Variants in SMAD3 observed in about 807,000 individuals in gnomAD.
SMAD3 encodes SMAD family member 3.
SMAD3 carries 12 observed loss-of-function variants against 51.8 expected under a neutral mutation model. The ratio of observed to expected loss-of-function variants is 0.23; its 90% CI spans 0.15 to 0.38. SMAD3 has a LOEUF of 0.38. SMAD3 is among the 10% of genes least tolerant of loss of function. The pLI is 1.00. For missense variants in SMAD3, 294 were observed against 565.6 expected (o/e 0.52, Z 4.87); for synonymous variants, 238 against 227.7 (o/e 1.05, Z -0.41).
At chr15:67,103,719 C>T (rs1205676479) in intron 1 of SMAD3, among the ~76,000 whole-genome samples, 1 of 152,162 alleles carries the variant, frequency 6.6e-6, no homozygotes, top group African/African-American at 2.4e-5. Context: ...AAGCACATAG[C>T]ACAACAAGGA....
chr15:67,108,476 A>G (rs1960931116), intron 1 of SMAD3, among the ~76,000 whole-genome samples: 1 of 152,060 alleles, frequency 6.6e-6, no homozygotes, highest in Admixed American at 6.5e-5. Flanking sequence ...ACGTAGTCCC[A>G]TCTTGATCTC....
At chr15:67,139,360 G>C (rs564811582) in intron 1 of SMAD3, among the ~76,000 whole-genome samples, 33 of 152,078 alleles carry the variant, frequency 2.2e-4, no homozygotes, top group Non-Finnish European at 3.4e-4. Context: ...TTTCCCCACT[G>C]TGTCTGCTCT....
chr15:67,180,863 C>T (rs976604509), intron 5 of SMAD3, among the ~76,000 whole-genome samples: 3 of 152,170 alleles, frequency 2.0e-5, no homozygotes. Flanking sequence ...GTCCCAGGTT[C>T]ATCCAGGTAC....
In SMAD3 at chr15:67,190,827, G is replaced by A. The variant is rs146287966; in HGVS notation, c.*291G>A. The A allele has an allele frequency of 1.1e-3, 500 of 471,674 alleles. 3 individuals are homozygous for A. The highest frequency in any genetic ancestry group is 8.8e-3 in the African/African-American group (457 of 52,154). 29.2% of individuals were successfully genotyped at this position (471,674 alleles called of 1,614,324 possible). On this transcript the variant is annotated 3_prime_UTR_variant, in exon 9 of 9. Transcript: ENST00000327367. ...GCAGAACAGGTAGTATTACACCACC[G>A]GCCCCCTCCCCCCAGACTCTTTTTT...
chr15:67,182,685 G>A (rs532224942), intron 6 of SMAD3, among the ~76,000 whole-genome samples: 2 of 152,138 alleles, frequency 1.3e-5, no homozygotes, highest in Admixed American at 6.5e-5. Flanking sequence ...GGGACCTGAT[G>A]TCTAGGGGGT....
At chr15:67,134,851 C>T (rs11631380) in intron 1 of SMAD3, among the ~76,000 whole-genome samples, 44,136 of 152,048 alleles carry the variant, frequency 0.29, 6,797 homozygotes, top group Middle Eastern at 0.37. Context: ...CTCACACTCA[C>T]GGCAGAGGTG....
intron 1 of SMAD3, among the ~76,000 whole-genome samples, chr15:67,117,952 C>T (rs894508822): frequency 2.6e-5 from 4 of 152,054 alleles, no homozygotes; most frequent in South Asian, 2.1e-4. Context: ...ATTAGCCGGG[C>T]GTGGTGACGG....
chr15:67,140,421 C>T (rs762173443), intron 1 of SMAD3, among the ~76,000 whole-genome samples: 11 of 152,150 alleles, frequency 7.2e-5, no homozygotes, highest in East Asian at 1.9e-4. Context: ...TTTATTCCAC[C>T]GTTCTCTCTT....
intron 6 of SMAD3, 148 bp downstream of exon 6, chr15:67,181,601 C>T (rs550801168): frequency 1.4e-6 from 1 of 727,248 alleles, no homozygotes; most frequent in Non-Finnish European, 2.4e-6. Context: ...TGGGGGAAGA[C>T]TCACTGCCCC....
chr15:67,156,617 T>C (rs1286750090), intron 1 of SMAD3, among the ~76,000 whole-genome samples: 1 of 152,066 alleles, frequency 6.6e-6, no homozygotes, highest in African/African-American at 2.4e-5. Context: ...GGTGGTGGAG[T>C]CAGTGCATCA....
Position 67,166,026 on chromosome 15 carries a change from C to G in SMAD3, c.532+642C>G, listed in dbSNP as rs1283693779. The G allele has an allele frequency of 3.0e-5, 7 of 234,194 alleles. No individual in the cohort carries two copies. The South Asian group carries it at 8.2e-4, about 27-fold the overall frequency. 14.5% of individuals were successfully genotyped at this position (234,194 alleles called of 1,614,324 possible). A position where few individuals can be genotyped will look rare whatever the true frequency, so the allele number is the denominator to read the frequency against. ...ACTTTTGCTTGCTGGGGCAGTAATC[C>G]TGCTGCGTTCCTCTTAGAGCATTCT... On this transcript the variant is annotated intron_variant, in intron 3 of 8. Coordinates refer to ENST00000327367, the MANE Select transcript of SMAD3 (RefSeq NM_005902.4).
chr15:67,194,764 GCT>G lies in SMAD3; in HGVS notation c.*4231_*4232del, dbSNP rs1284341232. On this transcript the variant is annotated 3_prime_UTR_variant, in exon 9 of 9. Transcript: ENST00000327367. Reference sequence around the variant, plus strand: ...AAGTGGCCGCGTGTAAAAACAGACAGCTCTGAGTCAAATCTGGGCCCTTCCAC... The same window carrying G: ...AAGTGGCCGCGTGTAAAAACAGACAGCTGAGTCAAATCTGGGCCCTTCCAC... 5 of 232,342 alleles carry G rather than the reference GCT, an allele frequency of 2.2e-5. No individual in the cohort carries two copies. Among genetic ancestry groups the G allele is most frequent in the African/African-American group, 8.8e-5 (4 of 45,246 alleles). 14.4% of individuals were successfully genotyped at this position (232,342 alleles called of 1,614,324 possible). A position where few individuals can be genotyped will look rare whatever the true frequency, so the allele number is the denominator to read the frequency against.
intron 1 of SMAD3, among the ~76,000 whole-genome samples, chr15:67,127,680 T>C (rs1476589583): frequency 6.6e-6 from 1 of 152,252 alleles, no homozygotes; most frequent in Non-Finnish European, 1.5e-5. Context: ...CTGCTGCACC[T>C]TCAGACTTTT....
At chr15:67,073,260 A>T (rs1338410356) in intron 1 of SMAD3, among the ~76,000 whole-genome samples, 1 of 152,218 alleles carries the variant, frequency 6.6e-6, no homozygotes, top group Non-Finnish European at 1.5e-5. Flanking sequence ...TCTATAGCAT[A>T]CTATCCACTG....
intron 4 of SMAD3, 146 bp from the exon 5 acceptor site, chr15:67,170,408 G>A (rs2140300894): frequency 1.4e-6 from 1 of 717,994 alleles, no homozygotes; most frequent in South Asian, 1.5e-5. Flanking sequence ...CAAGGGTATG[G>A]GCTAGGCCTT....
chr15:67,162,514 C>T (rs111683286), intron 1 of SMAD3, among the ~76,000 whole-genome samples: 7 of 152,244 alleles, frequency 4.6e-5, no homozygotes, highest in Non-Finnish European at 7.4e-5. Flanking sequence ...CTCTTTCACA[C>T]GTATGCACAG....
At chr15:67,167,952 A>C (rs1372943004) in intron 4 of SMAD3, among the ~76,000 whole-genome samples, 1 of 152,138 alleles carries the variant, frequency 6.6e-6, no homozygotes, top group African/African-American at 2.4e-5. Context: ...AGATTGTGCA[A>C]TTCCTTCCCC....
chr15:67,098,294 C>T (rs1396429994), intron 1 of SMAD3, among the ~76,000 whole-genome samples: 1 of 149,530 alleles, frequency 6.7e-6, no homozygotes, highest in Non-Finnish European at 1.5e-5. Context: ...CCCCACCCCA[C>T]CACCCAAGAC....
chr15:67,166,397 T>C (rs1962589734), intron 3 of SMAD3: 2 of 396,194 alleles, frequency 5.0e-6, no homozygotes, highest in Non-Finnish European at 9.6e-6. Flanking sequence ...AAAGGGTGGG[T>C]CTGAGCCTGC....
Sources: gnomAD v4.1 joint callset for allele counts (sites outside exome capture counted in the v4.1 genomes callset) on GRCh38, gnomAD v4.1.1 for gene constraint, MANE v1.5 for transcripts, NCBI Gene and HGNC (gene_info 2026-07-23, HGNC 2026-07-21) for gene names.